The following HAS3 variants were observed in gnomAD, a reference collection of about 807,000 sequenced individuals.
HAS3 encodes hyaluronan synthase 3.
HAS3 carries 27 observed loss-of-function variants against 50.3 expected under a neutral mutation model. The observed-to-expected ratio is 0.54, with a 90% CI of 0.40 to 0.74. The LOEUF (loss-of-function observed/expected upper bound fraction) is 0.74. HAS3 is among the 30% of genes least tolerant of loss of function. The pLI is 0.00. For missense variants in HAS3, 517 were observed against 742.8 expected, an observed-to-expected ratio of 0.70 and a Z score of 3.53; for synonymous variants, 339 against 310.9, an observed-to-expected ratio of 1.09 and a Z score of -0.95.
Position 69,114,245 on chromosome 16 carries a change from C to G in HAS3, c.739-98C>G. The G allele has an allele frequency of 6.7e-7, 1 of 1,496,042 alleles. No homozygotes were observed. Among genetic ancestry groups the G allele is most frequent in the South Asian group, 1.4e-5 (1 of 73,974 alleles). The allele number at this position is 1,496,042 out of a possible 1,614,324, so 92.7% of individuals were successfully genotyped here. Reference sequence around the variant, plus strand: ...AACCGATGGCCAGGAATCTAAGCAGCGGGCCACAGAAGCCATGGTAAGGAG... The same window carrying G: ...AACCGATGGCCAGGAATCTAAGCAGGGGGCCACAGAAGCCATGGTAAGGAG... On this transcript the variant is annotated intron_variant, in intron 3 of 3. Transcript: ENST00000569188. This position sits in a 1 kb window ranked among gnomAD's most constrained non-coding sequence, Gnocchi z 6.4.
the HAS3 span, chr16:69,083,506 G>A: frequency 1.9e-6 from 3 of 1,612,204 alleles, no homozygotes; most frequent in Non-Finnish European, 2.5e-6. Context: ...CGTCCTCAAG[G>A]ATCTCTACCA....
chr16:69,112,886 GA>G (rs1961055639), intron 2 of HAS3, among the ~76,000 whole-genome samples: 1 of 152,246 alleles, frequency 6.6e-6, no homozygotes, highest in Non-Finnish European at 1.5e-5. Context: ...CCTGGTCCGA[GA>G]GGCTCGGCCA....
At chr16:69,104,790 T>C (rs1437694386), upstream of HAS3, among the ~76,000 whole-genome samples, 1 of 151,898 alleles carries the variant, frequency 6.6e-6, no homozygotes, top group East Asian at 1.9e-4. Flanking sequence ...CTGGGGTCTT[T>C]GCTTGCCTGC....
In HAS3 at chr16:69,109,564, C is replaced by T; in HGVS notation, c.169C>T (p.Leu57Phe). The change falls in exon 2 of 4, where the codon CTC becomes TTC. Residue 57 changes from leucine (L) to phenylalanine (F), a missense_variant. Leu to Phe is a conservative substitution (Grantham distance 22). Coordinates refer to ENST00000569188, the MANE Select transcript of HAS3 (RefSeq NM_001199280.2). This position sits in a 1 kb window ranked among gnomAD's most constrained non-coding sequence, Gnocchi z 5.3. ...CGGCGCCATCCTGGGCCTGCACCTG[C>T]TCATTCAGAGCCTTTTTGCCTTCCT... Reference protein sequence around the residue: ...LYGAILGLHLLIQSLFAFLEH... With the variant: ...LYGAILGLHLFIQSLFAFLEH... The T allele has an allele frequency of 1.2e-6, 2 of 1,613,796 alleles. No individual in the cohort carries two copies. The highest frequency in any genetic ancestry group is 1.1e-5 in the South Asian group (1 of 91,086).
chr16:69,090,109 A>ATT, the HAS3 span, among the ~76,000 whole-genome samples: 1 of 152,148 alleles, frequency 6.6e-6, no homozygotes, highest in Non-Finnish European at 1.5e-5. Context: ...TTCTTCCCAC[A>ATT]AAGTGAGTAC....
At chr16:69,118,040 T>TAAGAA (rs1555533142), downstream of HAS3, 1 of 392,856 alleles carries the variant, frequency 2.5e-6, no homozygotes, top group Non-Finnish European at 4.7e-6. Flanking sequence ...AAAGAAACAG[T>TAAGAA]AAGAAAAGAT....
At chr16:69,110,726 G>T (rs558172765) in intron 2 of HAS3, among the ~76,000 whole-genome samples, 2 of 152,292 alleles carry the variant, frequency 1.3e-5, no homozygotes, top group African/African-American at 4.8e-5. Flanking sequence ...GCCAGGATTT[G>T]CGCCCAGGCC....
the HAS3 span, among the ~76,000 whole-genome samples, chr16:69,098,820 C>A: frequency 2.0e-5 from 3 of 150,472 alleles, no homozygotes; most frequent in African/African-American, 7.3e-5. Context: ...CATGCACCAC[C>A]ATGCCCAGCT....
upstream of HAS3, among the ~76,000 whole-genome samples, chr16:69,104,353 G>GT (rs1196236609): frequency 1.3e-5 from 2 of 149,660 alleles, no homozygotes; most frequent in Non-Finnish European, 3.0e-5. Flanking sequence ...CTGGAGTACA[G>GT]TGGCATAATC....
At chr16:69,112,667 A>C (rs1961048427) in intron 2 of HAS3, among the ~76,000 whole-genome samples, 1 of 152,160 alleles carries the variant, frequency 6.6e-6, no homozygotes, top group Non-Finnish European at 1.5e-5. Flanking sequence ...GTACCACTTC[A>C]CTAATTTTTT....
At chr16:69,103,969 G>A (rs1208326410), upstream of HAS3, among the ~76,000 whole-genome samples, 2 of 152,226 alleles carry the variant, frequency 1.3e-5, no homozygotes, top group Admixed American at 6.5e-5. Context: ...CTTTGTGTAA[G>A]TAGGAATGGC....
upstream of HAS3, among the ~76,000 whole-genome samples, chr16:69,104,643 T>G (rs1960739495): frequency 6.6e-6 from 1 of 152,078 alleles, no homozygotes; most frequent in African/African-American, 2.4e-5. Flanking sequence ...GAAGTCTCGC[T>G]TTGTTGCCCA....
rs1567578111 is a variant in HAS3 at position 69,107,350 on chromosome 16, G to A, written c.-1+1563G>A. 1.0e-6 allele frequency: 1 copy of A among 984,206 alleles called. No homozygotes were observed. Among genetic ancestry groups the A allele is most frequent in the Non-Finnish European group, 1.2e-6 (1 of 828,794 alleles). The allele number at this position is 984,206 out of a possible 1,614,324, so 61.0% of individuals were successfully genotyped here. On this transcript the variant is annotated intron_variant, in intron 1 of 3. Coordinates refer to ENST00000569188, the MANE Select transcript of HAS3 (RefSeq NM_001199280.2). This position sits in a 1 kb window ranked among gnomAD's most constrained non-coding sequence, Gnocchi z 5.5. ...GGAAGGAGAGGGCCGGCTACACCGG[G>A]GATGCGCCTTTGTCTACAGGCACAC...
chr16:69,093,592 A>G, the HAS3 span, among the ~76,000 whole-genome samples: 1 of 129,002 alleles, frequency 7.8e-6, no homozygotes, highest in Non-Finnish European at 1.6e-5. Flanking sequence ...GTGCAATGAC[A>G]TGATCTCGGC....
At chr16:69,086,520 TTATG>T in the HAS3 span, among the ~76,000 whole-genome samples, 1 of 126,654 alleles carries the variant, frequency 7.9e-6, no homozygotes, top group African/African-American at 2.9e-5. Context: ...ATTTTCTATA[TTATG>T]TGTGTGTGTG....
chr16:69,113,395 T>TG, intron 2 of HAS3, 46 bp from the exon 3 acceptor site: 1 of 1,238,832 alleles, frequency 8.1e-7, no homozygotes, highest in Non-Finnish European at 1.2e-6. Context: ...GGACAGGGTG[T>TG]GCAGGTCTGA....
upstream of HAS3, among the ~76,000 whole-genome samples, chr16:69,103,716 A>T (rs1282027864): frequency 3.3e-5 from 5 of 152,156 alleles, no homozygotes; most frequent in East Asian, 3.9e-4. Flanking sequence ...TCTTTTATTC[A>T]AACACTGATC....
chr16:69,114,853 C>A lies in HAS3; in HGVS notation c.1249C>A (p.Gln417Lys), dbSNP rs1415787371. 1.9e-6 allele frequency: 3 copies of A among 1,613,974 alleles called. No homozygotes were observed. The Admixed American group carries it at 5.0e-5, about 27-fold the overall frequency. ...CATTCTCCTCTTCCTGCTGACGGTGCAGCTGGTGGGCATTATCAAGGCCAC... is the reference window on the plus strand; with the variant it reads ...CATTCTCCTCTTCCTGCTGACGGTGAAGCTGGTGGGCATTATCAAGGCCAC... ...WNILLFLLTV[Q>K]LVGIIKATYA... Residue 417 changes from glutamine (Q) to lysine (K), a missense_variant, in exon 4 of 4, where the codon CAG (glutamine) becomes AAG (lysine). Gln to Lys is a moderately conservative substitution (Grantham distance 53). Coordinates refer to ENST00000569188, the MANE Select transcript of HAS3 (RefSeq NM_001199280.2). The surrounding 1 kb of genome is among the most constrained non-coding windows in gnomAD (Gnocchi z 6.4).
rs1960829418 is a variant in HAS3 at position 69,107,195 on chromosome 16, A to G, written c.-1+1408A>G. On this transcript the variant is annotated intron_variant, in intron 1 of 3. Coordinates refer to ENST00000569188, the MANE Select transcript of HAS3 (RefSeq NM_001199280.2). The surrounding 1 kb of genome is among the most constrained non-coding windows in gnomAD (Gnocchi z 5.5). The stretch of plus-strand genomic sequence containing the variant: ...AGGTCTGGGCAGGAGAACCTCGACC[A>G]CAGCCTGCACCAGCGCCTGATTGCA... 1 of 360,948 alleles carries G rather than the reference A, an allele frequency of 2.8e-6. No individual in the cohort carries two copies. Among genetic ancestry groups the G allele is most frequent in the Admixed American group, 6.5e-5 (1 of 15,456 alleles). 22.4% of individuals were successfully genotyped at this position (360,948 alleles called of 1,614,324 possible).
Sources: gnomAD v4.1 joint callset for allele counts (sites outside exome capture counted in the v4.1 genomes callset) on GRCh38, gnomAD v4.1.1 for gene constraint, Gnocchi (gnomAD v3.1) non-coding constraint, MANE v1.5 for transcripts, NCBI Gene and HGNC (gene_info 2026-07-23, HGNC 2026-07-21) for gene names.